Variants in PALLD observed in about 807,000 individuals in gnomAD.
PALLD encodes palladin, cytoskeletal associated protein, also known as palladin.
In PALLD, 61 loss-of-function variants were observed where a neutral mutation model predicts 123.5. The ratio of observed to expected loss-of-function variants is 0.49; its 90% CI spans 0.40 to 0.61. PALLD has a LOEUF of 0.61. PALLD is among the 20% of genes least tolerant of loss of function. PALLD has a pLI of 0.00. For missense variants in PALLD, 1,273 were observed against 1,377.0 expected (o/e 0.92, Z 1.20); for synonymous variants, 465 against 496.4 (o/e 0.94, Z 0.84).
chr4:168,516,732 T>C (rs756095034), intron 2 of PALLD, among the ~76,000 whole-genome samples: 38 of 152,216 alleles, frequency 2.5e-4, no homozygotes, highest in Non-Finnish European at 4.6e-4. Flanking sequence ...CATAGCTTAC[T>C]GAAAGCCTCC....
intron 8 of PALLD, among the ~76,000 whole-genome samples, chr4:168,697,343 CA>C (rs1434953407): frequency 1.3e-5 from 2 of 152,156 alleles, no homozygotes; most frequent in Non-Finnish European, 2.9e-5. Flanking sequence ...AGGTGGGGTA[CA>C]GGAAGCAGGA....
chr4:168,498,958 T>C (rs1463286900), intron 1 of PALLD, among the ~76,000 whole-genome samples: 3 of 151,866 alleles, frequency 2.0e-5, no homozygotes, highest in South Asian at 4.1e-4. Flanking sequence ...AGCTATTAGA[T>C]TATGTCCTTG....
intron 10 of PALLD, among the ~76,000 whole-genome samples, chr4:168,824,295 A>G (rs566167775): frequency 2.6e-5 from 4 of 152,014 alleles, no homozygotes; most frequent in South Asian, 2.1e-4. Flanking sequence ...TTTTTTACCA[A>G]TCCTCTTAAG....
intron 3 of PALLD, among the ~76,000 whole-genome samples, chr4:168,680,294 A>G (rs1329774385): frequency 1.3e-5 from 2 of 151,376 alleles, no homozygotes; most frequent in Non-Finnish European, 2.9e-5. Context: ...CCTGGCCAAC[A>G]TGGTGAAACC....
chr4:168,877,918 C>G, intron 10 of PALLD: 3 of 1,483,878 alleles, frequency 2.0e-6, no homozygotes, highest in Non-Finnish European at 2.7e-6. Flanking sequence ...CCCGCTCCGC[C>G]CCCGCCATGC....
At chr4:168,777,658 G>C (rs1005834730) in intron 10 of PALLD, among the ~76,000 whole-genome samples, 3 of 152,148 alleles carry the variant, frequency 2.0e-5, no homozygotes, top group Non-Finnish European at 2.9e-5. Flanking sequence ...GAGCATACTG[G>C]TTTGTTTTGT....
intron 2 of PALLD, among the ~76,000 whole-genome samples, chr4:168,649,989 C>T (rs1161289119): frequency 1.3e-5 from 2 of 151,990 alleles, no homozygotes; most frequent in Non-Finnish European, 2.9e-5. Context: ...GCCTGGCCAA[C>T]ATGGTGAAAC....
In PALLD at chr4:168,512,220, C is replaced by T. The variant is rs1414498724; in HGVS notation, c.716C>T (p.Ala239Val). 2 of 1,613,772 alleles carry T rather than the reference C, an allele frequency of 1.2e-6. No homozygotes were observed. Among genetic ancestry groups the T allele is most frequent in the Non-Finnish European group, 1.7e-6 (2 of 1,179,756 alleles). ...EMEREVKSPG[A>V]RHCYQDNQDL... ...GAAAGAGAGGTCAAGTCCCCTGGGG[C>T]CAGGCATTGCTACCAGGACAACCAG... Residue 239 changes from alanine (A) to valine (V), a missense_variant, in exon 2 of 22, where the codon GCC (alanine) becomes GTC (valine). By Grantham distance (64) the Ala-to-Val change is moderately conservative. This residue lies in a region of PALLD where 944 missense variants were observed against 954.5 expected (regional missense o/e 0.99). Transcript: ENST00000505667.
intron 10 of PALLD, among the ~76,000 whole-genome samples, chr4:168,797,514 A>T (rs1047326739): frequency 1.3e-5 from 2 of 152,148 alleles, no homozygotes; most frequent in African/African-American, 4.8e-5. Flanking sequence ...AGGAAATTTG[A>T]GGCATTTTTG....
chr4:168,537,649 G>C (rs1030867546), intron 2 of PALLD: 1 of 152,128 alleles, frequency 6.6e-6, no homozygotes, highest in Non-Finnish European at 1.5e-5. Flanking sequence ...ACCTCAGATA[G>C]GCGTCCAAAA....
chr4:168,502,895 C>T (rs1173544709), intron 1 of PALLD, among the ~76,000 whole-genome samples: 1 of 152,112 alleles, frequency 6.6e-6, no homozygotes, highest in African/African-American at 2.4e-5. Flanking sequence ...CAGAATGAGA[C>T]CCTCACTCAA....
rs1732448958 is a variant in PALLD at position 168,759,205 on chromosome 4, ATATATATATATATAT to A, written c.1964+47283_1964+47297del. 1.7e-3 allele frequency among the ~76,000 whole-genome samples: 78 copies of A among 45,242 alleles called. 7 individuals carry two copies. The highest frequency in any genetic ancestry group is 8.0e-3 in the East Asian group (6 of 754). The allele number at this position is 45,242 out of a possible 152,430, so 29.7% of individuals were successfully genotyped here. The stretch of plus-strand genomic sequence containing the variant: ...AAAAAAAAAAAAAAAAAAAAAAAAT[ATATATATATATATAT>A]ATATATATATATATATATATATATA... On this transcript the variant is annotated intron_variant, in intron 10 of 21. Coordinates refer to ENST00000505667, the MANE Select transcript of PALLD (RefSeq NM_001166108.2).
chr4:168,529,717 C>G (rs145268956), intron 2 of PALLD, among the ~76,000 whole-genome samples: 48 of 152,210 alleles, frequency 3.2e-4, no homozygotes, highest in African/African-American at 1.1e-3. Flanking sequence ...ATTACAAAAT[C>G]AAATAAAGCT....
intron 2 of PALLD, among the ~76,000 whole-genome samples, chr4:168,581,338 A>G (rs1770255446): frequency 1.3e-5 from 2 of 152,012 alleles, no homozygotes; most frequent in South Asian, 2.1e-4. Flanking sequence ...ACTGTTTTCC[A>G]TAATGGCTGC....
At chr4:168,619,350 A>C (rs1055907526) in intron 2 of PALLD, among the ~76,000 whole-genome samples, 7 of 152,226 alleles carry the variant, frequency 4.6e-5, no homozygotes. Flanking sequence ...AGCTGGCAGG[A>C]GCTGGAGAAG....
At chr4:168,584,036 T>C (rs556151360) in intron 2 of PALLD, among the ~76,000 whole-genome samples, 1 of 152,300 alleles carries the variant, frequency 6.6e-6, no homozygotes, top group South Asian at 2.1e-4. Context: ...CATATGAAGC[T>C]AATGAAATGG....
intron 2 of PALLD, among the ~76,000 whole-genome samples, chr4:168,585,706 G>A (rs1276390611): frequency 2.0e-5 from 3 of 152,108 alleles, no homozygotes; most frequent in Non-Finnish European, 4.4e-5. Flanking sequence ...CACCAGCTGA[G>A]GGAGCCTGTG....
At chr4:168,919,625 A>C (rs1761018462) in intron 17 of PALLD, among the ~76,000 whole-genome samples, 1 of 151,982 alleles carries the variant, frequency 6.6e-6, no homozygotes, top group African/African-American at 2.4e-5. Flanking sequence ...AATCCTGACG[A>C]TAAGCCAAAC....
At chr4:168,644,446 CAG>C (rs2149883835) in intron 2 of PALLD, among the ~76,000 whole-genome samples, 1 of 152,268 alleles carries the variant, frequency 6.6e-6, no homozygotes, top group African/African-American at 2.4e-5. Flanking sequence ...AGGGGTTAAA[CAG>C]ACCATATCAC....
Sources: gnomAD v4.1 joint callset for allele counts (sites outside exome capture counted in the v4.1 genomes callset) on GRCh38, gnomAD v4.1.1 for gene constraint, gnomAD v4.1.1 regional missense constraint, MANE v1.5 for transcripts, NCBI Gene and HGNC (gene_info 2026-07-23, HGNC 2026-07-21) for gene names.